PDE7A: variants seen among roughly 807,000 people sequenced by gnomAD.
The protein encoded by PDE7A is phosphodiesterase 7A, also known as high affinity 3',5'-cyclic-AMP phosphodiesterase 7A.
A neutral mutation model predicts 64.3 loss-of-function variants in PDE7A; 39 were observed. The ratio of observed to expected loss-of-function variants is 0.61; its 90% confidence interval spans 0.47 to 0.79. The LOEUF (loss-of-function observed/expected upper bound fraction) is 0.79. Among genes scored for constraint, PDE7A ranks in the 30% least tolerant of loss-of-function variants. The pLI, the probability that PDE7A is intolerant of heterozygous loss-of-function variation, is 0.00. For synonymous variants in PDE7A, 203 were observed against 206.8 expected (o/e 0.98, Z 0.16); for missense variants, 470 against 582.8 (o/e 0.81, Z 1.99).
chr8:65,771,624 C>T (rs942634951), intron 3 of PDE7A, among the ~76,000 whole-genome samples: 1 of 151,888 alleles, frequency 6.6e-6, no homozygotes, highest in African/African-American at 2.4e-5. Flanking sequence ...GCATGTAATC[C>T]CAGCACTTTG....
chr8:65,773,814 G>A (rs908261044), intron 3 of PDE7A, among the ~76,000 whole-genome samples: 10 of 151,732 alleles, frequency 6.6e-5, no homozygotes, highest in East Asian at 1.9e-4. Context: ...CCACTAAAAC[G>A]TCCCATTATG....
At chr8:65,781,681 T>C (rs1809423974) in intron 2 of PDE7A, among the ~76,000 whole-genome samples, 1 of 152,210 alleles carries the variant, frequency 6.6e-6, no homozygotes, top group Admixed American at 6.5e-5. Context: ...TTATATTTAC[T>C]GAGATGGCAA....
At chr8:65,768,228 T>C (rs1191788570) in intron 3 of PDE7A, among the ~76,000 whole-genome samples, 1 of 152,222 alleles carries the variant, frequency 6.6e-6, no homozygotes, top group African/African-American at 2.4e-5. Flanking sequence ...ACAGTATCTT[T>C]AATGAGCTAA....
chr8:65,770,259 A>G (rs1809018977), intron 3 of PDE7A, among the ~76,000 whole-genome samples: 1 of 152,126 alleles, frequency 6.6e-6, no homozygotes, highest in South Asian at 2.1e-4. Flanking sequence ...CTGCTGATAA[A>G]GACATACCTG....
intron 1 of PDE7A, among the ~76,000 whole-genome samples, chr8:65,814,287 G>A (rs1028491010): frequency 2.9e-4 from 44 of 151,370 alleles, no homozygotes; most frequent in African/African-American, 9.7e-4. Context: ...CGAGGCGGGC[G>A]GATCACGAGG....
chr8:65,806,768 A>G (rs982865073), intron 1 of PDE7A, among the ~76,000 whole-genome samples: 2 of 152,228 alleles, frequency 1.3e-5, no homozygotes, highest in Non-Finnish European at 2.9e-5. Context: ...GTGGCTGTCC[A>G]GTTGTTTAGC....
At chr8:65,753,286 A>AGG (rs1264450570) in intron 3 of PDE7A, among the ~76,000 whole-genome samples, 1 of 152,218 alleles carries the variant, frequency 6.6e-6, no homozygotes, top group Non-Finnish European at 1.5e-5. Flanking sequence ...TGGGGATAAA[A>AGG]GGGAGGTCTT....
chr8:65,781,366 G>A (rs945435037), intron 2 of PDE7A, among the ~76,000 whole-genome samples: 15 of 152,268 alleles, frequency 9.9e-5, no homozygotes, highest in African/African-American at 3.6e-4. Context: ...AGGCAGTGGA[G>A]TCAGATCATG....
chr8:65,767,108 G>C (rs1003221765), intron 3 of PDE7A, among the ~76,000 whole-genome samples: 1 of 152,186 alleles, frequency 6.6e-6, no homozygotes, highest in African/African-American at 2.4e-5. Context: ...CATACACTTA[G>C]AAGAATTAGA....
At chr8:65,822,430 C>G (rs980544331) in intron 1 of PDE7A, among the ~76,000 whole-genome samples, 3 of 152,296 alleles carry the variant, frequency 2.0e-5, no homozygotes, top group South Asian at 2.1e-4. Context: ...GTAGAGCAGA[C>G]AGCTGGACTC....
intron 1 of PDE7A, among the ~76,000 whole-genome samples, chr8:65,828,367 G>GT (rs574531929): frequency 2.0e-5 from 3 of 152,012 alleles, no homozygotes; most frequent in Non-Finnish European, 4.4e-5. Flanking sequence ...TTTGCAACTA[G>GT]TTTTTTTCCC....
chr8:65,776,067 T>A (rs527796728), intron 3 of PDE7A, among the ~76,000 whole-genome samples: 1 of 152,336 alleles, frequency 6.6e-6, no homozygotes, highest in South Asian at 2.1e-4. Flanking sequence ...TAAATCAATG[T>A]TATTGATTTA....
intron 1 of PDE7A, among the ~76,000 whole-genome samples, chr8:65,792,092 T>C (rs1461558222): frequency 6.6e-6 from 1 of 152,206 alleles, no homozygotes; most frequent in Non-Finnish European, 1.5e-5. Context: ...TAGTTTATTA[T>C]TCTATAAAGT....
intron 3 of PDE7A, among the ~76,000 whole-genome samples, chr8:65,774,688 T>G (rs557739153): frequency 6.6e-6 from 1 of 151,856 alleles, no homozygotes; most frequent in Non-Finnish European, 1.5e-5. Flanking sequence ...TGAAAATATC[T>G]AATGGCTAAA....
intron 1 of PDE7A, among the ~76,000 whole-genome samples, chr8:65,793,291 T>G (rs1021813996): frequency 1.3e-5 from 2 of 152,096 alleles, no homozygotes; most frequent in African/African-American, 4.8e-5. Context: ...TACTGGCATG[T>G]AGATCAGAAA....
intron 12 of PDE7A, 59 bp downstream of exon 12, chr8:65,723,482 C>A: frequency 1.5e-6 from 2 of 1,336,030 alleles, no homozygotes; most frequent in Non-Finnish European, 2.0e-6. Flanking sequence ...ATATATTTCC[C>A]TTCTTGATAA....
At chr8:65,727,546 T>TA (rs1350856017) in intron 7 of PDE7A, 15 of 356,024 alleles carry the variant, frequency 4.2e-5, no homozygotes, top group African/African-American at 2.9e-4. Flanking sequence ...AGTTCATCCT[T>TA]AGGCCATTTC....
At chr8:65,783,668 A>AAGAGC (rs1242714565) in intron 1 of PDE7A, among the ~76,000 whole-genome samples, 2 of 152,194 alleles carry the variant, frequency 1.3e-5, no homozygotes, top group African/African-American at 2.4e-5. Context: ...AAAGCTCCAC[A>AAGAGC]AGAGCAGAAA....
At chr8:65,838,691 T>C (rs1371214364) in intron 1 of PDE7A, 1 of 152,240 alleles carries the variant, frequency 6.6e-6, no homozygotes, top group Non-Finnish European at 1.5e-5. Flanking sequence ...CTCAAGCCCC[T>C]CAACTAAATG....
Sources: gnomAD v4.1 joint callset for allele counts (sites outside exome capture counted in the v4.1 genomes callset) on GRCh38, gnomAD v4.1.1 for gene constraint, MANE v1.5 for transcripts, NCBI Gene and HGNC (gene_info 2026-07-23, HGNC 2026-07-21) for gene names.